The following RCOR3 variants were observed in gnomAD, a reference collection of about 807,000 sequenced individuals.
RCOR3 encodes REST corepressor 3.
Under a neutral mutation model 64.1 loss-of-function variants are expected in RCOR3, and 13 were observed. That is an observed-to-expected ratio of 0.20 (90% CI 0.13 to 0.32). The LOEUF is 0.32. Among genes scored for constraint, RCOR3 ranks in the 10% least tolerant of loss-of-function variants. RCOR3 has a pLI of 1.00. For synonymous variants in RCOR3, 215 were observed against 239.0 expected (o/e 0.90, Z 0.93); for missense variants, 489 against 701.2 (o/e 0.70, Z 3.42).
chr1:211,260,238 C>A, intron 2 of RCOR3, 74 bp downstream of exon 2: 1 of 1,400,840 alleles, frequency 7.1e-7, no homozygotes, highest in Non-Finnish European at 1.0e-6. Context: ...GGCTAGGAGT[C>A]CGGGCATGGG....
At chr1:211,276,857 C>T (rs950756308) in intron 5 of RCOR3, among the ~76,000 whole-genome samples, 8 of 151,946 alleles carry the variant, frequency 5.3e-5, no homozygotes, top group South Asian at 2.1e-4. Flanking sequence ...GAGGCCGAGG[C>T]GGGCAGATCA....
In RCOR3 at chr1:211,278,208, G is replaced by A. The variant is rs201814304; in HGVS notation, c.608G>A (p.Arg203His). The A allele has an allele frequency of 6.8e-6, 11 of 1,613,326 alleles. No homozygotes were observed. Among genetic ancestry groups the A allele is most frequent in the Admixed American group, 3.3e-5 (2 of 59,862 alleles). Residue 203 changes from arginine (R) to histidine (H), a missense_variant, in exon 6 of 12, where the codon CGT becomes CAT. By Grantham distance (29) the Arg-to-His change is conservative. This residue lies in a region of RCOR3 where 402 missense variants were observed against 617.0 expected (regional missense o/e 0.65). Coordinates refer to ENST00000419091, the MANE Select transcript of RCOR3 (RefSeq NM_001136223.3). ...SRTSLMDRQA[R>H]KLANRHNQGD... Reference sequence around the variant, plus strand: ...ACAAGTTTGATGGATCGCCAGGCTCGTAAACTAGCTAATAGACATAATCAG... The same window carrying A: ...ACAAGTTTGATGGATCGCCAGGCTCATAAACTAGCTAATAGACATAATCAG...
At chr1:211,268,564 A>G (rs1241146100) in intron 2 of RCOR3, among the ~76,000 whole-genome samples, 1 of 151,692 alleles carries the variant, frequency 6.6e-6, no homozygotes, top group African/African-American at 2.4e-5. Flanking sequence ...TTTAATAGAG[A>G]TGAGGTTTCT....
intron 4 of RCOR3, among the ~76,000 whole-genome samples, chr1:211,274,805 A>C (rs963816427): frequency 9.9e-5 from 15 of 151,848 alleles, no homozygotes; most frequent in Non-Finnish European, 2.2e-4. Context: ...ATATGTCTGT[A>C]TGTAGAGTTA....
In RCOR3 at chr1:211,312,124, A is replaced by T. The variant is rs1468797662; in HGVS notation, c.1076-596A>T. On this transcript the variant is annotated intron_variant, in intron 10 of 11. Transcript: ENST00000419091. The surrounding 1 kb of genome is among the most constrained non-coding windows in gnomAD (Gnocchi z 5.0). ...ATCTTCTCTTTTTTCAAAATCCACC[A>T]ACTTGTGATGATTCTCCTGCTTTTC... The T allele has an allele frequency of 9.7e-6, 2 of 206,702 alleles. No individual in the cohort carries two copies. The highest frequency in any genetic ancestry group is 2.1e-5 in the Non-Finnish European group (2 of 95,880). The allele number at this position is 206,702 out of a possible 1,614,324, so 12.8% of individuals were successfully genotyped here. A position where few individuals can be genotyped will look rare whatever the true frequency, so the allele number is the denominator to read the frequency against.
At chr1:211,288,553 A>T (rs914793928) in intron 7 of RCOR3, among the ~76,000 whole-genome samples, 1 of 146,904 alleles carries the variant, frequency 6.8e-6, no homozygotes, top group Non-Finnish European at 1.5e-5. Flanking sequence ...TTATTTATAA[A>T]TATTTTATTT....
intron 10 of RCOR3, among the ~76,000 whole-genome samples, chr1:211,309,981 TCTGAGTGTG>T (rs1701322288): frequency 6.6e-6 from 1 of 152,188 alleles, no homozygotes; most frequent in Non-Finnish European, 1.5e-5. Context: ...GCCATGCTGT[TCTGAGTGTG>T]AAGGTGATGA....
rs543140709 is a variant in RCOR3 at position 211,312,352 on chromosome 1, T to C, written c.1076-368T>C. On this transcript the variant is annotated intron_variant, in intron 10 of 11. Coordinates refer to ENST00000419091, the MANE Select transcript of RCOR3 (RefSeq NM_001136223.3). This position sits in a 1 kb window ranked among gnomAD's most constrained non-coding sequence, Gnocchi z 5.0. Reference sequence around the variant, plus strand: ...GTTTACAAACGATGTTGCTCAAATTTAGGTGACTGGCTACTAGGGAAATAA... The same window carrying C: ...GTTTACAAACGATGTTGCTCAAATTCAGGTGACTGGCTACTAGGGAAATAA... 6.7e-5 allele frequency: 31 copies of C among 464,118 alleles called. No homozygotes were observed. The highest frequency in any genetic ancestry group is 5.8e-4 in the Admixed American group (25 of 42,754). 28.7% of individuals were successfully genotyped at this position (464,118 alleles called of 1,614,324 possible).
In RCOR3 at chr1:211,260,184, C is replaced by T. The variant is rs1442242585; in HGVS notation, c.223+20C>T. ...ATCCAGGTAGATATATTTGCTTAAGCAAAATCTCATATCCCCTTTCCTGGG... is the reference window on the plus strand; with the variant it reads ...ATCCAGGTAGATATATTTGCTTAAGTAAAATCTCATATCCCCTTTCCTGGG... On this transcript the variant is annotated intron_variant, in intron 2 of 11. Transcript: ENST00000419091. 1.2e-6 allele frequency: 2 copies of T among 1,607,168 alleles called. No individual in the cohort carries two copies. Among genetic ancestry groups the T allele is most frequent in the African/African-American group, 2.7e-5 (2 of 74,714 alleles).
At chr1:211,296,383 A>G (rs978444149) in intron 9 of RCOR3, among the ~76,000 whole-genome samples, 13 of 152,018 alleles carry the variant, frequency 8.6e-5, no homozygotes, top group African/African-American at 3.1e-4. Flanking sequence ...AGGAGCTTCT[A>G]TTATATCTTT....
chr1:211,286,063 G>T (rs1698476828), intron 7 of RCOR3, among the ~76,000 whole-genome samples: 2 of 152,106 alleles, frequency 1.3e-5, no homozygotes. Context: ...CACATGTTAA[G>T]TATGTGTCTT....
chr1:211,276,151 G>A (rs1009338539), intron 4 of RCOR3, 106 bp from the exon 5 acceptor site: 37 of 1,074,922 alleles, frequency 3.4e-5, no homozygotes, highest in Middle Eastern at 2.1e-4. Flanking sequence ...TCTATCTTCA[G>A]TCGAAGTCAT....
chr1:211,294,560 A>G lies in RCOR3; in HGVS notation c.940-1116A>G, dbSNP rs1328472384. 2.0e-5 allele frequency among the ~76,000 whole-genome samples: 3 copies of G among 149,774 alleles called. No individual in the cohort carries two copies. The East Asian group carries it at 5.8e-4, about 29-fold the overall frequency. On this transcript the variant is annotated intron_variant, in intron 8 of 11. Transcript: ENST00000419091. ...GTTTTTATTATGAATTTTGCATAGC[A>G]CACACTGACTTTTCTTTCTTTCTTT...
chr1:211,312,632 C>A lies in RCOR3; in HGVS notation c.1076-88C>A. 2.3e-6 allele frequency: 2 copies of A among 888,084 alleles called. No individual in the cohort carries two copies. Among genetic ancestry groups the A allele is most frequent in the Non-Finnish European group, 3.6e-6 (2 of 549,510 alleles). 55.0% of individuals were successfully genotyped at this position (888,084 alleles called of 1,614,324 possible). On this transcript the variant is annotated intron_variant, in intron 10 of 11. Coordinates refer to ENST00000419091, the MANE Select transcript of RCOR3 (RefSeq NM_001136223.3). The surrounding 1 kb of genome is among the most constrained non-coding windows in gnomAD (Gnocchi z 5.0). The stretch of plus-strand genomic sequence containing the variant: ...AGTTTATCAGAAAGGAATTTCATTG[C>A]TGGTATCTTTTGTGTGTGCATGATG...
intron 9 of RCOR3, among the ~76,000 whole-genome samples, chr1:211,299,558 A>C (rs1332093017): frequency 2.6e-5 from 4 of 152,142 alleles, no homozygotes; most frequent in Non-Finnish European, 5.9e-5. Context: ...TAATTTGGTG[A>C]CATTTTCCAT....
chr1:211,279,119 A>G (rs1282412668), intron 6 of RCOR3, 119 bp from the exon 7 acceptor site: 7 of 576,022 alleles, frequency 1.2e-5, no homozygotes, highest in Non-Finnish European at 2.1e-5. Context: ...CCCAGGAGGC[A>G]GAGGTTGCAG....
At chr1:211,296,593 T>G (rs1441677303) in intron 9 of RCOR3, among the ~76,000 whole-genome samples, 1 of 152,120 alleles carries the variant, frequency 6.6e-6, no homozygotes, top group South Asian at 2.1e-4. Context: ...CTTCAGAAAT[T>G]ATGTACCATA....
chr1:211,269,275 C>T (rs1695756233), intron 2 of RCOR3, among the ~76,000 whole-genome samples: 1 of 151,800 alleles, frequency 6.6e-6, no homozygotes, highest in Non-Finnish European at 1.5e-5. Flanking sequence ...ACTAGCCTGA[C>T]CAACATGGAG....
chr1:211,304,663 A>G lies in RCOR3; in HGVS notation c.1075+523A>G, dbSNP rs557667218. Among the ~76,000 whole-genome samples the G allele has an allele frequency of 5.8e-4, 89 of 152,336 alleles. 1 individual carries two copies. In the South Asian group the frequency reaches 0.018, roughly 30 times the overall value. On this transcript the variant is annotated intron_variant, in intron 10 of 11. Transcript: ENST00000419091. ...CTGATTTTAAATAGGTATATTTTTTAAAGGAGACTTAAGAGCGATATCAAA... is the reference window on the plus strand; with the variant it reads ...CTGATTTTAAATAGGTATATTTTTTGAAGGAGACTTAAGAGCGATATCAAA...
Sources: gnomAD v4.1 joint callset for allele counts (sites outside exome capture counted in the v4.1 genomes callset) on GRCh38, gnomAD v4.1.1 for gene constraint, gnomAD v4.1.1 regional missense constraint, Gnocchi (gnomAD v3.1) non-coding constraint, MANE v1.5 for transcripts, NCBI Gene and HGNC (gene_info 2026-07-23, HGNC 2026-07-21) for gene names.